LINGO2: variants seen among roughly 807,000 people sequenced by gnomAD.
LINGO2 encodes the protein leucine rich repeat and Ig domain containing 2.
In LINGO2, 14 loss-of-function variants were observed where a neutral mutation model predicts 30.6. The observed-to-expected ratio is 0.46, with a 90% CI of 0.30 to 0.72. LINGO2 has a LOEUF of 0.72. Ranked by LOEUF, LINGO2 falls within the 30% of genes least tolerant of loss-of-function variation. LINGO2 has a pLI of 0.07. For missense variants in LINGO2, 729 were observed against 751.7 expected (o/e 0.97, Z 0.35); for synonymous variants, 317 against 288.5 (o/e 1.10, Z -1.00).
chr9:28,542,408 A>C (rs1292928789), intron 1 of LINGO2, among the ~76,000 whole-genome samples: 1 of 152,046 alleles, frequency 6.6e-6, no homozygotes, highest in Admixed American at 6.6e-5. Context: ...TGGCCCTCTG[A>C]GAGGCTCTTG....
the LINGO2 span, among the ~76,000 whole-genome samples, chr9:28,933,354 T>C: frequency 6.6e-6 from 1 of 152,242 alleles, no homozygotes; most frequent in Non-Finnish European, 1.5e-5. Flanking sequence ...TTTGAAAATA[T>C]TCTCTTTAAC....
chr9:28,596,153 C>T (rs1245152112), intron 1 of LINGO2, among the ~76,000 whole-genome samples: 3 of 152,042 alleles, frequency 2.0e-5, no homozygotes, highest in African/African-American at 7.2e-5. Context: ...TTTTTGAACA[C>T]TGAAATTTGA....
chr9:28,280,690 C>T (rs1030362941), intron 4 of LINGO2, among the ~76,000 whole-genome samples: 1 of 152,060 alleles, frequency 6.6e-6, no homozygotes, highest in African/African-American at 2.4e-5. Context: ...CAGACAGGTC[C>T]TGTTGATCCA....
At chr9:28,712,797 A>C in the LINGO2 span, among the ~76,000 whole-genome samples, 1 of 152,126 alleles carries the variant, frequency 6.6e-6, no homozygotes, top group African/African-American at 2.4e-5. Flanking sequence ...TTGCTTAAAT[A>C]TGATTAAGAA....
the LINGO2 span, among the ~76,000 whole-genome samples, chr9:28,764,832 T>C: frequency 6.6e-6 from 1 of 151,720 alleles, no homozygotes; most frequent in East Asian, 1.9e-4. Context: ...CACACAAAAA[T>C]CAGTAGTATT....
intron 4 of LINGO2, among the ~76,000 whole-genome samples, chr9:28,045,649 T>C (rs1824387122): frequency 2.0e-5 from 3 of 152,318 alleles, no homozygotes; most frequent in East Asian, 1.9e-4. Context: ...TACTTACAGA[T>C]ATTTTTAAAC....
chr9:29,058,083 G>A, the LINGO2 span, among the ~76,000 whole-genome samples: 3 of 151,806 alleles, frequency 2.0e-5, no homozygotes, highest in South Asian at 2.1e-4. Context: ...CATTTAAAAC[G>A]GCAAGAAAAT....
At chr9:28,869,513 T>G in the LINGO2 span, among the ~76,000 whole-genome samples, 1 of 151,980 alleles carries the variant, frequency 6.6e-6, no homozygotes, top group Non-Finnish European at 1.5e-5. Context: ...AGAGACAATG[T>G]GTCTGAATTA....
the LINGO2 span, among the ~76,000 whole-genome samples, chr9:29,059,898 A>G: frequency 1.3e-5 from 2 of 152,098 alleles, no homozygotes; most frequent in Non-Finnish European, 1.5e-5. Flanking sequence ...TTGAAAGATA[A>G]TGCTAAGTAA....
chr9:28,718,043 G>A, the LINGO2 span, among the ~76,000 whole-genome samples: 1 of 151,858 alleles, frequency 6.6e-6, no homozygotes. Context: ...AATACAGGAA[G>A]AATATAGGCA....
intron 2 of LINGO2, among the ~76,000 whole-genome samples, chr9:28,436,776 G>C (rs1021242960): frequency 2.6e-5 from 4 of 152,128 alleles, no homozygotes; most frequent in African/African-American, 9.7e-5. Context: ...ATTTATAAAA[G>C]CGTGTCGGGG....
At chr9:28,679,380 C>T in the LINGO2 span, among the ~76,000 whole-genome samples, 2 of 152,102 alleles carry the variant, frequency 1.3e-5, no homozygotes, top group African/African-American at 4.8e-5. Flanking sequence ...CTTAGCATTG[C>T]TGTTTTGTAG....
At chr9:28,107,444 G>T (rs1326586596) in intron 4 of LINGO2, among the ~76,000 whole-genome samples, 2 of 151,948 alleles carry the variant, frequency 1.3e-5, no homozygotes, top group Admixed American at 1.3e-4. Context: ...CTCAATTATT[G>T]GTTAATCTAT....
At chr9:28,106,287 G>A (rs1439618362) in intron 4 of LINGO2, among the ~76,000 whole-genome samples, 2 of 152,076 alleles carry the variant, frequency 1.3e-5, no homozygotes, top group East Asian at 1.9e-4. Context: ...AGCAGACTAA[G>A]GCAAAAGGAA....
intron 2 of LINGO2, among the ~76,000 whole-genome samples, chr9:28,373,606 G>A (rs1034627819): frequency 1.3e-5 from 2 of 152,118 alleles, no homozygotes; most frequent in East Asian, 1.9e-4. Flanking sequence ...TGGGATTTAA[G>A]ATATGGATTC....
Position 28,506,507 on chromosome 9 carries a change from T to TAGATAGATAG in LINGO2, c.-364-30483_-364-30482insCTATCTATCT, listed in dbSNP as rs879496260. ...ACACATACACACACACACACAGACA[T>TAGATAGATAG]ATATATATATATATAAACTGTTGGG... On this transcript the variant is annotated intron_variant, in intron 1 of 5. Transcript: ENST00000379992. 1.8e-3 allele frequency among the ~76,000 whole-genome samples: 68 copies of TAGATAGATAG among 38,814 alleles called. 5 individuals carry two copies. Among genetic ancestry groups the TAGATAGATAG allele is most frequent in the African/African-American group, 5.4e-3 (61 of 11,218 alleles). The allele number at this position is 38,814 out of a possible 152,430, so 25.5% of individuals were successfully genotyped here.
chr9:28,946,504 G>A, the LINGO2 span, among the ~76,000 whole-genome samples: 1 of 152,118 alleles, frequency 6.6e-6, no homozygotes, highest in Admixed American at 6.5e-5. Flanking sequence ...GAATTGCCCA[G>A]ATTCCTTTCC....
chr9:28,811,887 G>C, the LINGO2 span, among the ~76,000 whole-genome samples: 1 of 151,924 alleles, frequency 6.6e-6, no homozygotes, highest in African/African-American at 2.4e-5. Flanking sequence ...TAAAATCCAT[G>C]AGAGCAAGGA....
chr9:28,497,321 C>T (rs898975421), intron 1 of LINGO2, among the ~76,000 whole-genome samples: 1 of 152,184 alleles, frequency 6.6e-6, no homozygotes, highest in Non-Finnish European at 1.5e-5. Flanking sequence ...TTGGTCTTTT[C>T]ACATAGTCCC....
Sources: gnomAD v4.1 joint callset for allele counts (sites outside exome capture counted in the v4.1 genomes callset) on GRCh38, gnomAD v4.1.1 for gene constraint, MANE v1.5 for transcripts, NCBI Gene and HGNC (gene_info 2026-07-23, HGNC 2026-07-21) for gene names.